The following SEC14L1 variants were observed in gnomAD, a reference collection of about 807,000 sequenced individuals.
The protein encoded by SEC14L1 is SEC14-like protein 1.
Under a neutral mutation model 85.3 loss-of-function variants are expected in SEC14L1, and 48 were observed. The observed-to-expected ratio is 0.56, with a 90% confidence interval of 0.45 to 0.72. The LOEUF (loss-of-function observed/expected upper bound fraction) is 0.72. SEC14L1 is among the 30% of genes least tolerant of loss of function. SEC14L1 has a pLI of 0.00. For missense variants in SEC14L1, 682 were observed against 921.4 expected, an observed-to-expected ratio of 0.74 and a Z score of 3.36; for synonymous variants, 391 against 355.5, an observed-to-expected ratio of 1.10 and a Z score of -1.12.
chr17:77,119,765 T>C (rs1398336869), intron 3 of SEC14L1, among the ~76,000 whole-genome samples: 1 of 152,200 alleles, frequency 6.6e-6, no homozygotes, highest in Admixed American at 6.5e-5. Flanking sequence ...ACATAATCCC[T>C]GGATTACATA....
rs71160208 is a variant in SEC14L1 at position 77,169,007 on chromosome 17, C to CTTTTTTTT, written c.64-21773_64-21766dup. On this transcript the variant is annotated intron_variant, in intron 3 of 16. Transcript: ENST00000436233. ...GGGTCAAAAGACCCGTGAGGAGCAT[C>CTTTTTTTT]TTTTTTTTTTTTTTTTTTTTTTTTT... 2.4e-4 allele frequency among the ~76,000 whole-genome samples: 19 copies of CTTTTTTTT among 77,844 alleles called. 1 individual carries two copies. The highest frequency in any genetic ancestry group is 3.2e-4 in the Admixed American group (2 of 6,202). 51.1% of individuals were successfully genotyped at this position (77,844 alleles called of 152,430 possible).
At chr17:77,171,381 G>T (rs1974515749) in intron 3 of SEC14L1, among the ~76,000 whole-genome samples, 1 of 152,158 alleles carries the variant, frequency 6.6e-6, no homozygotes, top group South Asian at 2.1e-4. Context: ...GGGGACTGTG[G>T]CTGGGGGAGG....
chr17:77,149,655 C>T (rs1296240133), intron 3 of SEC14L1, among the ~76,000 whole-genome samples: 3 of 152,142 alleles, frequency 2.0e-5, no homozygotes, highest in African/African-American at 7.2e-5. Context: ...GCTATGATCA[C>T]ACCACTGTAC....
At chr17:77,101,254 G>A (rs1010706106) in intron 3 of SEC14L1, among the ~76,000 whole-genome samples, 8 of 151,320 alleles carry the variant, frequency 5.3e-5, no homozygotes, top group Admixed American at 1.3e-4. Flanking sequence ...GCACAATCTC[G>A]GCTCACTGCA....
chr17:77,191,353 T>C (rs1047050269), intron 5 of SEC14L1, 41 bp downstream of exon 5: 10 of 1,609,928 alleles, frequency 6.2e-6, no homozygotes, highest in Non-Finnish European at 8.5e-6. Flanking sequence ...TCTGCCGACA[T>C]ATGGCTTCTG....
At position 77,216,393 on chromosome 17, in the gene SEC14L1, G is replaced by GCTAGTAGGTAGGT. The variant is rs1977096396; in HGVS notation, c.*2382_*2383insTCTAGTAGGTAGG. The GCTAGTAGGTAGGT allele has an allele frequency of 7.8e-6, 7 of 894,488 alleles. No individual in the cohort carries two copies. Among genetic ancestry groups the GCTAGTAGGTAGGT allele is most frequent in the African/African-American group, 4.1e-5 (2 of 49,234 alleles). 55.4% of individuals were successfully genotyped at this position (894,488 alleles called of 1,614,324 possible). On this transcript the variant is annotated 3_prime_UTR_variant, in exon 17 of 17. Transcript: ENST00000436233. ...CTAGTAGGTAGGGCTAGTAGGTAGG[G>GCTAGTAGGTAGGT]CTAGTAGGTAGGGTTCGTAGGTAGG...
chr17:77,202,680 G>C (rs1238567506), intron 9 of SEC14L1, among the ~76,000 whole-genome samples: 1 of 152,154 alleles, frequency 6.6e-6, no homozygotes, highest in Non-Finnish European at 1.5e-5. Context: ...AGAAGTTTGG[G>C]AGGCGGAGGC....
At chr17:77,090,689 T>C (rs1294246029) in intron 2 of SEC14L1, among the ~76,000 whole-genome samples, 1 of 149,994 alleles carries the variant, frequency 6.7e-6, no homozygotes, top group African/African-American at 2.5e-5. Context: ...TGGTGGGAAA[T>C]GAAGCTAAAA....
intron 3 of SEC14L1, among the ~76,000 whole-genome samples, chr17:77,161,842 G>C (rs1974072742): frequency 7.2e-6 from 1 of 138,474 alleles, no homozygotes; most frequent in African/African-American, 2.7e-5. Flanking sequence ...TTTAATTTTT[G>C]TTTGTTTCCC....
intron 3 of SEC14L1, among the ~76,000 whole-genome samples, chr17:77,159,954 C>A (rs964022990): frequency 1.3e-4 from 20 of 152,124 alleles, no homozygotes; most frequent in African/African-American, 4.8e-4. Flanking sequence ...GACCCTACCC[C>A]CTGTTAAGTG....
At chr17:77,156,500 A>G (rs1299377323) in intron 3 of SEC14L1, among the ~76,000 whole-genome samples, 1 of 151,624 alleles carries the variant, frequency 6.6e-6, no homozygotes, top group Non-Finnish European at 1.5e-5. Flanking sequence ...GCTTGAACCC[A>G]GGAGGCTGAG....
At chr17:77,107,493 C>T (rs1180422217) in intron 3 of SEC14L1, among the ~76,000 whole-genome samples, 1 of 152,080 alleles carries the variant, frequency 6.6e-6, no homozygotes, top group East Asian at 1.9e-4. Context: ...TATTTCTATT[C>T]TATGTTATGC....
At chr17:77,152,811 T>A (rs1423455189) in intron 3 of SEC14L1, 1 of 152,258 alleles carries the variant, frequency 6.6e-6, no homozygotes, top group East Asian at 1.9e-4. Context: ...CATAAGTTGC[T>A]TGGATCCTGC....
At chr17:77,140,306 G>A (rs1317190339), upstream of SEC14L1, among the ~76,000 whole-genome samples, 1 of 152,230 alleles carries the variant, frequency 6.6e-6, no homozygotes, top group Non-Finnish European at 1.5e-5. Flanking sequence ...CGACACTAGA[G>A]CCGTCTGGAT....
At chr17:77,162,353 G>A (rs949719338) in intron 3 of SEC14L1, among the ~76,000 whole-genome samples, 4 of 152,140 alleles carry the variant, frequency 2.6e-5, no homozygotes, top group African/African-American at 9.7e-5. Context: ...TCAGTGCAAG[G>A]AATCAAATTA....
intron 4 of SEC14L1, 27 bp from the exon 5 acceptor site, chr17:77,191,154 C>T: frequency 6.2e-7 from 1 of 1,603,006 alleles, no homozygotes; most frequent in East Asian, 2.2e-5. Context: ...ATTAATAAAC[C>T]CATTTCTCTT....
rs1975490591 is a variant in SEC14L1, at chr17:77,190,825, C to G, written c.86C>G (p.Thr29Arg). 6.2e-7 allele frequency: 1 copy of G among 1,614,258 alleles called. No homozygotes were observed. Among genetic ancestry groups the G allele is most frequent in the African/African-American group, 1.3e-5 (1 of 75,070 alleles). Residue 29 changes from threonine to arginine, a missense_variant, in exon 4 of 17, where the codon ACA becomes AGA. By Grantham distance (71) the Thr-to-Arg change is moderately conservative (BLOSUM62 -1). This residue lies in a region of SEC14L1 where 139 missense variants were observed against 201.3 expected (regional missense o/e 0.69). Coordinates refer to ENST00000436233, the MANE Select transcript of SEC14L1 (RefSeq NM_001143998.2). ...IMAAYERRFP[T>R]CPLIPMFVGS... ...TAGGCCTATGAAAGGAGGTTCCCTA[C>G]ATGTCCTTTGATTCCGATGTTCGTG...
chr17:77,193,743 G>A (rs1975658924), intron 6 of SEC14L1, among the ~76,000 whole-genome samples, 194 bp downstream of exon 6: 1 of 152,174 alleles, frequency 6.6e-6, no homozygotes, highest in Non-Finnish European at 1.5e-5. Context: ...GAGGAAGGAG[G>A]TGCCTGTAGC....
intron 3 of SEC14L1, among the ~76,000 whole-genome samples, chr17:77,148,647 C>A (rs757203587): frequency 1.1e-3 from 174 of 152,334 alleles, no homozygotes; most frequent in Admixed American, 4.3e-3. Flanking sequence ...GCACCTGGTT[C>A]TGTCCCTGTC....
Sources: allele counts gnomAD v4.1 joint callset (sites outside exome capture counted in the v4.1 genomes callset), GRCh38; gene constraint gnomAD v4.1.1; regional missense constraint gnomAD v4.1.1; transcripts MANE v1.5; gene names NCBI Gene and HGNC (gene_info 2026-07-23, HGNC 2026-07-21).